Variants in TIAM1 observed in about 807,000 individuals in gnomAD.
TIAM1 encodes rho guanine nucleotide exchange factor TIAM1.
TIAM1 carries 65 observed loss-of-function variants against 163.5 expected under a neutral mutation model. The observed-to-expected ratio is 0.40, with a 90% CI of 0.33 to 0.49. The LOEUF is 0.49. Among genes scored for constraint, TIAM1 ranks in the 20% least tolerant of loss-of-function variants. The pLI is 0.77. For missense variants in TIAM1, 1,789 were observed against 2,044.7 expected (o/e 0.87, Z 2.41); for synonymous variants, 833 against 810.1 (o/e 1.03, Z -0.48).
chr21:31,353,835 C>CTTTTTTTTTTTTTTTTTT lies in TIAM1; in HGVS notation c.-368-14431_-368-14414dup, dbSNP rs71193103. On this transcript the variant is annotated intron_variant, in intron 2 of 28. Coordinates refer to the TIAM1 transcript ENST00000286827. ...TGTTTTTATTTATTTATTTATTTAT[C>CTTTTTTTTTTTTTTTTTT]TTTTTTTTTTTTTTTTTTTTTGAGA... is the stretch of plus-strand genomic sequence containing the variant. Among the ~76,000 whole-genome samples the CTTTTTTTTTTTTTTTTTT allele has an allele frequency of 2.7e-4, 19 of 71,236 alleles. 2 individuals carry two copies. The highest frequency in any genetic ancestry group is 1.1e-3 in the East Asian group (2 of 1,740). The allele number at this position is 71,236 out of a possible 152,430, so 46.7% of individuals were successfully genotyped here.
At chr21:31,414,027 G>C (rs1246460700) in intron 2 of TIAM1, among the ~76,000 whole-genome samples, 1 of 152,218 alleles carries the variant, frequency 6.6e-6, no homozygotes, top group African/African-American at 2.4e-5. Context: ...GATGACAAAG[G>C]CCTAAAAGGA....
rs187371507 is a variant in TIAM1, at chr21:31,519,246, G to A, written c.-422+39681C>T. On this transcript the variant is annotated intron_variant, in intron 1 of 28. Coordinates refer to the TIAM1 transcript ENST00000286827. ...CTTGAACCTGGGAGGCGGAGGTTGC[G>A]GTGAGCCGAGATCGCGCCACTGCAC... is the stretch of plus-strand genomic sequence containing the variant. Among the ~76,000 whole-genome samples, 803 of 149,556 alleles carry A rather than the reference G, an allele frequency of 5.4e-3. 32 individuals are homozygous for A. The highest frequency in any genetic ancestry group is 0.049 in the Admixed American group (738 of 15,004).
intron 12 of TIAM1, among the ~76,000 whole-genome samples, chr21:31,200,338 GA>G (rs898961651): frequency 2.0e-3 from 279 of 137,794 alleles, no homozygotes; most frequent in Middle Eastern, 3.7e-3. Context: ...CTTCATCACA[GA>G]AAAAAAAAAA....
chr21:31,262,419 T>A (rs1349782125), intron 4 of TIAM1, among the ~76,000 whole-genome samples: 1 of 152,210 alleles, frequency 6.6e-6, no homozygotes, highest in Non-Finnish European at 1.5e-5. Flanking sequence ...ACCTATTAAG[T>A]ACTTTTACAG....
At chr21:31,432,860 T>A (rs2044089604) in intron 2 of TIAM1, among the ~76,000 whole-genome samples, 1 of 152,132 alleles carries the variant, frequency 6.6e-6, no homozygotes, top group African/African-American at 2.4e-5. Context: ...CTGTATGTGG[T>A]CGCTCCCGTC....
At chr21:31,302,458 C>A (rs1312291358) in intron 2 of TIAM1, among the ~76,000 whole-genome samples, 62 of 152,158 alleles carry the variant, frequency 4.1e-4, no homozygotes, top group Admixed American at 4.1e-3. Context: ...CATACCGCAA[C>A]CCCTCATTCT....
At chr21:31,325,481 A>G (rs1367150922) in intron 2 of TIAM1, among the ~76,000 whole-genome samples, 2 of 152,042 alleles carry the variant, frequency 1.3e-5, no homozygotes, top group Non-Finnish European at 2.9e-5. Context: ...CAGCCTGGCC[A>G]ACACGGCAAA....
At chr21:31,550,681 C>T (rs960756603) in intron 1 of TIAM1, among the ~76,000 whole-genome samples, 6 of 152,046 alleles carry the variant, frequency 3.9e-5, no homozygotes, top group African/African-American at 1.4e-4. Context: ...TAGAGAAAAC[C>T]TAGAAGACTT....
At chr21:31,182,775 G>C in intron 14 of TIAM1, 130 bp from the exon 15 acceptor site, 1 of 912,908 alleles carries the variant, frequency 1.1e-6, no homozygotes, top group Non-Finnish European at 1.6e-6. Context: ...GACAGGCTGC[G>C]GTGCTCGGGA....
At chr21:31,139,910 T>C (rs1341365769) in intron 22 of TIAM1, among the ~76,000 whole-genome samples, 3 of 152,192 alleles carry the variant, frequency 2.0e-5, no homozygotes, top group Non-Finnish European at 1.5e-5. Flanking sequence ...TCCAGTCTGA[T>C]ACTGGCCTAG....
chr21:31,427,558 A>G (rs1408920521), intron 2 of TIAM1, among the ~76,000 whole-genome samples: 1 of 152,108 alleles, frequency 6.6e-6, no homozygotes, highest in Non-Finnish European at 1.5e-5. Context: ...AAAAACATGG[A>G]GCCAGACGCA....
chr21:31,165,702 TA>T (rs1012055323), intron 15 of TIAM1, among the ~76,000 whole-genome samples: 4 of 151,604 alleles, frequency 2.6e-5, no homozygotes, highest in Admixed American at 2.0e-4. Context: ...TATTATATAC[TA>T]AAAAATTAAC....
chr21:31,350,676 CTG>C (rs1367478655), intron 2 of TIAM1, among the ~76,000 whole-genome samples: 10 of 152,196 alleles, frequency 6.6e-5, no homozygotes, highest in Admixed American at 4.6e-4. Flanking sequence ...TCTGCCATAA[CTG>C]TAAGTTTTCT....
intron 6 of TIAM1, among the ~76,000 whole-genome samples, chr21:31,238,236 C>T (rs936948615): frequency 2.0e-5 from 3 of 152,202 alleles, no homozygotes; most frequent in African/African-American, 7.2e-5. Flanking sequence ...CTCACCCCTA[C>T]ACAAACAGGT....
At chr21:31,281,764 A>G (rs961519869) in intron 2 of TIAM1, among the ~76,000 whole-genome samples, 1 of 151,942 alleles carries the variant, frequency 6.6e-6, no homozygotes, top group Non-Finnish European at 1.5e-5. Flanking sequence ...AGATGGATGG[A>G]TGGGTGGTGG....
chr21:31,373,215 G>A (rs938987187), intron 2 of TIAM1, among the ~76,000 whole-genome samples: 5 of 152,176 alleles, frequency 3.3e-5, no homozygotes, highest in African/African-American at 4.8e-5. Context: ...ATTTGAGCCC[G>A]AGAGGCAGAG....
At chr21:31,189,904 C>T (rs2085473255) in intron 13 of TIAM1, among the ~76,000 whole-genome samples, 1 of 152,128 alleles carries the variant, frequency 6.6e-6, no homozygotes, top group Non-Finnish European at 1.5e-5. Flanking sequence ...AGATCTATTT[C>T]TTTTAAATAG....
chr21:31,145,762 TA>T (rs2083078261), intron 20 of TIAM1, among the ~76,000 whole-genome samples: 1 of 151,474 alleles, frequency 6.6e-6, no homozygotes, highest in African/African-American at 2.4e-5. Context: ...GAAGGAAAGA[TA>T]AAATTCCACA....
At chr21:31,340,242 CTAGGACCT>C (rs773761707) in intron 1 of TIAM1, among the ~76,000 whole-genome samples, 3 of 151,648 alleles carry the variant, frequency 2.0e-5, no homozygotes, top group Non-Finnish European at 2.9e-5. Flanking sequence ...TCCTTATACC[CTAGGACCT>C]TGTCAACTGA....
Sources: allele counts gnomAD v4.1 joint callset (sites outside exome capture counted in the v4.1 genomes callset), GRCh38; gene constraint gnomAD v4.1.1; transcripts MANE v1.5; gene names NCBI Gene and HGNC (gene_info 2026-07-23, HGNC 2026-07-21).